The following CALN1 variants were observed in gnomAD, a reference collection of about 807,000 sequenced individuals.
CALN1 encodes calneuron 1, also known as calcium-binding protein 8.
A neutral mutation model predicts 30.6 loss-of-function variants in CALN1; 17 were observed. The observed-to-expected ratio is 0.56, with a 90% confidence interval of 0.38 to 0.83. CALN1 has a LOEUF of 0.83. CALN1 is among the 40% of genes least tolerant of loss of function. The pLI is 0.00. For missense variants in CALN1, 291 were observed against 354.9 expected (o/e 0.82, Z 1.45); for synonymous variants, 156 against 131.4 (o/e 1.19, Z -1.28).
chr7:72,388,641 T>C (rs895301790), intron 2 of CALN1, among the ~76,000 whole-genome samples: 1 of 152,194 alleles, frequency 6.6e-6, no homozygotes, highest in Non-Finnish European at 1.5e-5. Context: ...TCTTAAAAAA[T>C]TTATTCTCAT....
chr7:71,954,862 A>G (rs1210783647), intron 5 of CALN1, among the ~76,000 whole-genome samples: 1 of 152,150 alleles, frequency 6.6e-6, no homozygotes, highest in East Asian at 1.9e-4. Context: ...AGTGAAGAGG[A>G]GTGAGGTTTA....
chr7:72,126,984 T>C (rs143741149), intron 3 of CALN1, among the ~76,000 whole-genome samples: 2 of 151,986 alleles, frequency 1.3e-5, no homozygotes, highest in East Asian at 2.0e-4. Flanking sequence ...TTGAAATAAA[T>C]ATATAAATAA....
At chr7:72,186,520 C>A (rs1790200815) in intron 3 of CALN1, among the ~76,000 whole-genome samples, 1 of 152,160 alleles carries the variant, frequency 6.6e-6, no homozygotes, top group Non-Finnish European at 1.5e-5. Flanking sequence ...GAACCCCTTA[C>A]ACAAGCAGTG....
chr7:72,370,719 GCTTTT>G (rs1049104285), intron 2 of CALN1, among the ~76,000 whole-genome samples: 2 of 151,426 alleles, frequency 1.3e-5, no homozygotes, highest in Non-Finnish European at 2.9e-5. Flanking sequence ...TGAGTTCATG[GCTTTT>G]CTTTTCATTC....
chr7:72,177,883 T>A (rs912130733), intron 3 of CALN1, among the ~76,000 whole-genome samples: 1 of 152,056 alleles, frequency 6.6e-6, no homozygotes, highest in Non-Finnish European at 1.5e-5. Flanking sequence ...CTTTGTAACA[T>A]GTTCGCGTCC....
intron 3 of CALN1, among the ~76,000 whole-genome samples, chr7:72,107,590 T>A (rs1014564267): frequency 6.6e-6 from 1 of 152,150 alleles, no homozygotes; most frequent in Non-Finnish European, 1.5e-5. Flanking sequence ...CTGGATTGGA[T>A]GTATAACACA....
chr7:72,455,321 ATGTGTGTGTG>A, the CALN1 span, among the ~76,000 whole-genome samples: 756 of 138,842 alleles, frequency 5.4e-3, 3 homozygotes, highest in African/African-American at 0.018. Context: ...ATATATATAT[ATGTGTGTGTG>A]TGTGTGTGTG....
intron 5 of CALN1, among the ~76,000 whole-genome samples, chr7:71,870,021 C>T (rs1791828994): frequency 6.6e-6 from 1 of 152,196 alleles, no homozygotes; most frequent in African/African-American, 2.4e-5. Flanking sequence ...GTAGTTACCT[C>T]TGGGGAGAAA....
intron 3 of CALN1, among the ~76,000 whole-genome samples, 158 bp from the exon 4 acceptor site, chr7:72,106,452 A>G (rs1807118523): frequency 6.6e-6 from 1 of 151,832 alleles, no homozygotes; most frequent in South Asian, 2.1e-4. Context: ...AGAAGAACAG[A>G]AGAAAAGAAA....
At chr7:72,231,123 T>C (rs1794071323) in intron 3 of CALN1, among the ~76,000 whole-genome samples, 1 of 152,164 alleles carries the variant, frequency 6.6e-6, no homozygotes, top group South Asian at 2.1e-4. Context: ...CACGCTTTTT[T>C]TTTTTAATTT....
At chr7:72,024,978 C>G (rs911948387) in intron 4 of CALN1, among the ~76,000 whole-genome samples, 26 of 152,128 alleles carry the variant, frequency 1.7e-4, no homozygotes, top group African/African-American at 6.0e-4. Flanking sequence ...TTTTCTCTCT[C>G]TCCTACTAAC....
chr7:72,503,972 T>C, the CALN1 span, among the ~76,000 whole-genome samples: 1 of 152,048 alleles, frequency 6.6e-6, no homozygotes, highest in African/African-American at 2.4e-5. Flanking sequence ...TCAAGAGCTG[T>C]AGCAACAAAT....
chr7:71,937,977 C>T (rs1795932315), intron 5 of CALN1, among the ~76,000 whole-genome samples: 1 of 152,186 alleles, frequency 6.6e-6, no homozygotes, highest in African/African-American at 2.4e-5. Flanking sequence ...GATATTTATG[C>T]AGCACTCAGG....
chr7:72,219,687 G>GCAATGCA (rs1299820527), intron 3 of CALN1, among the ~76,000 whole-genome samples: 54 of 58,258 alleles, frequency 9.3e-4, no homozygotes, highest in African/African-American at 2.7e-3. Flanking sequence ...GCATACACAT[G>GCAATGCA]CACACATGCA....
the CALN1 span, among the ~76,000 whole-genome samples, chr7:72,467,503 C>G: frequency 2.0e-5 from 3 of 152,296 alleles, no homozygotes; most frequent in South Asian, 2.1e-4. Context: ...ACCTCCAAGA[C>G]AGCTGGCTGG....
chr7:71,896,906 T>C (rs564302585), intron 5 of CALN1, among the ~76,000 whole-genome samples: 11 of 152,180 alleles, frequency 7.2e-5, no homozygotes, highest in Admixed American at 2.0e-4. Context: ...CTGCAGAGCA[T>C]TGCATGTTTG....
intron 5 of CALN1, among the ~76,000 whole-genome samples, chr7:71,940,521 G>A (rs1796071086): frequency 1.3e-5 from 2 of 152,160 alleles, no homozygotes; most frequent in Admixed American, 6.6e-5. Context: ...TCAAGTCTTA[G>A]TTGTCTTGTT....
chr7:71,856,644 C>T (rs1444411512), intron 5 of CALN1, among the ~76,000 whole-genome samples: 4 of 152,042 alleles, frequency 2.6e-5, no homozygotes, highest in Non-Finnish European at 4.4e-5. Flanking sequence ...CAAGACTATA[C>T]ATGTATGTCC....
intron 3 of CALN1, among the ~76,000 whole-genome samples, chr7:72,204,210 T>C (rs1314872800): frequency 6.6e-6 from 1 of 151,272 alleles, no homozygotes; most frequent in African/African-American, 2.4e-5. Context: ...TTAGCCAGGA[T>C]GGTCTCCATC....
Sources: allele counts gnomAD v4.1 joint callset (sites outside exome capture counted in the v4.1 genomes callset), GRCh38; gene constraint gnomAD v4.1.1; transcripts MANE v1.5; gene names NCBI Gene and HGNC (gene_info 2026-07-23, HGNC 2026-07-21).